Variants in EXOC4 observed in about 807,000 individuals in gnomAD.
EXOC4 encodes the protein exocyst complex component 4, also known as SEC8-like 1.
A neutral mutation model predicts 107.2 loss-of-function variants in EXOC4; 71 were observed. The observed-to-expected ratio is 0.66, with a 90% CI of 0.55 to 0.81. The LOEUF is 0.81. Among genes scored for constraint, EXOC4 ranks in the 30% least tolerant of loss-of-function variants. The pLI is 0.00. For missense variants in EXOC4, 1,108 were observed against 1,189.6 expected (o/e 0.93, Z 1.01); for synonymous variants, 456 against 441.2 (o/e 1.03, Z -0.42).
chr7:133,255,894 C>T (rs1795005358), intron 1 of EXOC4, among the ~76,000 whole-genome samples: 1 of 151,908 alleles, frequency 6.6e-6, no homozygotes, highest in Admixed American at 6.5e-5. Flanking sequence ...GTAAATTGTG[C>T]TGTCACTTGG....
At chr7:133,442,910 A>G (rs1198474560) in intron 7 of EXOC4, among the ~76,000 whole-genome samples, 1 of 152,202 alleles carries the variant, frequency 6.6e-6, no homozygotes. Context: ...TGGGAGTCCA[A>G]TAGGAGGCTT....
chr7:133,757,810 G>A (rs957272668), intron 10 of EXOC4, among the ~76,000 whole-genome samples: 4 of 152,088 alleles, frequency 2.6e-5, no homozygotes, highest in Non-Finnish European at 4.4e-5. Context: ...CCCTTAACAC[G>A]CCTATGAGAT....
chr7:133,999,782 G>C (rs896210172), intron 15 of EXOC4, among the ~76,000 whole-genome samples: 8 of 152,118 alleles, frequency 5.3e-5, no homozygotes, highest in African/African-American at 1.9e-4. Flanking sequence ...CTTATGTGTA[G>C]TTAATTCCAA....
At chr7:133,875,589 CTGA>C (rs1204676730) in intron 11 of EXOC4, among the ~76,000 whole-genome samples, 2 of 152,196 alleles carry the variant, frequency 1.3e-5, no homozygotes, top group Non-Finnish European at 2.9e-5. Context: ...GAATGGTCTA[CTGA>C]TGATCAGGAG....
At chr7:133,357,803 A>C (rs185375329) in intron 6 of EXOC4, among the ~76,000 whole-genome samples, 2 of 152,308 alleles carry the variant, frequency 1.3e-5, no homozygotes, top group South Asian at 4.1e-4. Flanking sequence ...TTAACATTTC[A>C]AAAATTAATT....
intron 7 of EXOC4, among the ~76,000 whole-genome samples, chr7:133,414,257 A>G (rs1050326375): frequency 1.3e-5 from 2 of 152,160 alleles, no homozygotes; most frequent in Non-Finnish European, 2.9e-5. Flanking sequence ...GAAAAGTAAA[A>G]CCCTGGTGAG....
intron 11 of EXOC4, among the ~76,000 whole-genome samples, chr7:133,823,843 TTATATATATATA>T (rs869279764): frequency 1.1e-4 from 2 of 18,718 alleles, no homozygotes; most frequent in Non-Finnish European, 1.5e-4. Context: ...TATATATATA[TTATATATATATA>T]TATATATATA....
intron 7 of EXOC4, among the ~76,000 whole-genome samples, chr7:133,438,417 T>C (rs1341037897): frequency 4.6e-5 from 7 of 152,230 alleles, no homozygotes; most frequent in Admixed American, 4.6e-4. Flanking sequence ...CTTATTTCTC[T>C]AATGCCCTAT....
chr7:133,986,720 A>C lies in EXOC4; in HGVS notation c.2207-10772A>C, dbSNP rs182328543. On this transcript the variant is annotated intron_variant, in intron 14 of 17. Transcript: ENST00000253861. ...GTGTACAAAGCACTGGGGTAAGGAA[A>C]GATTAGTTTGTACAGGTTTGCAAAT... Among the ~76,000 whole-genome samples, 852 of 152,348 alleles carry C rather than the reference A, an allele frequency of 5.6e-3. 9 individuals carry two copies. Among genetic ancestry groups the C allele is most frequent in the African/African-American group, 0.02 (812 of 41,582 alleles).
chr7:133,269,282 A>AAGAT (rs1183337185), intron 1 of EXOC4, among the ~76,000 whole-genome samples: 1 of 152,174 alleles, frequency 6.6e-6, no homozygotes, highest in Non-Finnish European at 1.5e-5. Context: ...GAAGGCAGGA[A>AAGAT]AGATAGGATT....
intron 10 of EXOC4, among the ~76,000 whole-genome samples, chr7:133,656,056 A>G (rs573911476): frequency 1.3e-5 from 2 of 152,106 alleles, no homozygotes; most frequent in Admixed American, 6.6e-5. Flanking sequence ...TCTCAGTTCC[A>G]TTGGAATCGT....
intron 10 of EXOC4, among the ~76,000 whole-genome samples, chr7:133,653,850 G>A (rs964733683): frequency 2.6e-5 from 4 of 152,164 alleles, no homozygotes; most frequent in Admixed American, 2.0e-4. Flanking sequence ...TTATGAGTAC[G>A]AGAACAGGAA....
chr7:133,417,077 G>C (rs1474798465), intron 7 of EXOC4, among the ~76,000 whole-genome samples: 1 of 152,202 alleles, frequency 6.6e-6, no homozygotes, highest in Non-Finnish European at 1.5e-5. Context: ...TACCTTGGAA[G>C]CTGGGAATGA....
intron 14 of EXOC4, among the ~76,000 whole-genome samples, chr7:133,975,908 C>G (rs1048762271): frequency 6.6e-6 from 1 of 152,052 alleles, no homozygotes; most frequent in African/African-American, 2.4e-5. Flanking sequence ...AAAATTTGAA[C>G]CTATTTAGTA....
intron 14 of EXOC4, among the ~76,000 whole-genome samples, chr7:133,989,307 C>T (rs1794192220): frequency 1.3e-5 from 2 of 151,908 alleles, no homozygotes. Context: ...TTTGAGATGC[C>T]TATGGGATAT....
chr7:133,934,564 C>T (rs1234614437), intron 13 of EXOC4, among the ~76,000 whole-genome samples: 1 of 152,192 alleles, frequency 6.6e-6, no homozygotes, highest in African/African-American at 2.4e-5. Flanking sequence ...CCAAGATCCC[C>T]ACTCAAGCAG....
Position 133,337,018 on chromosome 7 carries a change from C to T in EXOC4, c.764-19312C>T, listed in dbSNP as rs142915039. On this transcript the variant is annotated intron_variant, in intron 5 of 17. Coordinates refer to ENST00000253861, the MANE Select transcript of EXOC4 (RefSeq NM_021807.4). ...AAAGTGTTGGGATTACAGGTGTGAG[C>T]CACCACTCCTGGCCATGTTTTATTT... Among the ~76,000 whole-genome samples, 314 of 152,242 alleles carry T rather than the reference C, an allele frequency of 2.1e-3. 2 individuals carry two copies. The highest frequency in any genetic ancestry group is 7.4e-3 in the African/African-American group (308 of 41,554).
rs1304780056 is a variant in EXOC4, at chr7:133,857,096, T to TTA, written c.1735-38489_1735-38488dup. Reference sequence around the variant, plus strand: ...TGGGCAACAGAGAGAGACTCCGTCTTTATATATATATATATGTGTATATAT... The same window carrying TTA: ...TGGGCAACAGAGAGAGACTCCGTCTTTATATATATATATATATGTGTATATAT... On this transcript the variant is annotated intron_variant, in intron 11 of 17. Transcript: ENST00000253861. Among the ~76,000 whole-genome samples, 97 of 110,026 alleles carry TTA rather than the reference T, an allele frequency of 8.8e-4. 2 individuals carry two copies. The South Asian group carries it at 0.018, about 21-fold the overall frequency. The allele number at this position is 110,026 out of a possible 152,430, so 72.2% of individuals were successfully genotyped here. A position where few individuals can be genotyped will look rare whatever the true frequency, so the allele number is the denominator to read the frequency against.
At chr7:133,883,931 C>T (rs924656481) in intron 11 of EXOC4, among the ~76,000 whole-genome samples, 1 of 152,152 alleles carries the variant, frequency 6.6e-6, no homozygotes, top group Non-Finnish European at 1.5e-5. Context: ...AGCATATTTC[C>T]TTTTGGCTTC....
Sources: gnomAD v4.1 joint callset for allele counts (sites outside exome capture counted in the v4.1 genomes callset) on GRCh38, gnomAD v4.1.1 for gene constraint, MANE v1.5 for transcripts, NCBI Gene and HGNC (gene_info 2026-07-23, HGNC 2026-07-21) for gene names.